The following SPG11 variants were observed in gnomAD, a reference collection of about 807,000 sequenced individuals.
The protein encoded by SPG11 is SPG11 vesicle trafficking associated, spatacsin, also known as spatacsin.
A neutral mutation model predicts 274.0 loss-of-function variants in SPG11; 222 were observed. The ratio of observed to expected loss-of-function variants is 0.81; its 90% CI spans 0.73 to 0.91. SPG11 has a LOEUF of 0.91. SPG11 is among the 40% of genes least tolerant of loss of function. SPG11 has a pLI of 0.00. For synonymous variants in SPG11, 1,144 were observed against 1,039.7 expected (o/e 1.10, Z -1.93); for missense variants, 3,114 against 2,872.7 (o/e 1.08, Z -1.92).
chr15:44,632,821 C>G (rs569888864), intron 8 of SPG11, among the ~76,000 whole-genome samples: 2 of 152,120 alleles, frequency 1.3e-5, no homozygotes, highest in African/African-American at 4.8e-5. Context: ...ATTCTTATAA[C>G]AAATCCTAAT....
intron 8 of SPG11, among the ~76,000 whole-genome samples, chr15:44,632,075 C>T (rs925729912): frequency 1.3e-5 from 2 of 151,862 alleles, no homozygotes; most frequent in Admixed American, 6.6e-5. Context: ...TCCCAAAGTG[C>T]TGGAATTACA....
At chr15:44,620,587 G>A (rs2083716486) in intron 14 of SPG11, 184 bp from the exon 15 acceptor site, 1 of 575,062 alleles carries the variant, frequency 1.7e-6, no homozygotes, top group African/African-American at 1.9e-5. Context: ...TGTTGCCCAG[G>A]CTGGAGTGCA....
In SPG11 at chr15:44,608,482, C is replaced by T. The variant is rs777985678; in HGVS notation, c.3415G>A (p.Val1139Ile). Residue 1139 changes from valine to isoleucine, a missense_variant, in exon 19 of 40, where the codon GTC becomes ATC. By Grantham distance (29) the Val-to-Ile change is conservative (BLOSUM62 3). Coordinates refer to ENST00000261866, the MANE Select transcript of SPG11 (RefSeq NM_025137.4). ...TAGATTGTAATATCAGATGGCAGGA[C>T]ACTAGGAGGAGTGCACTGTGGGAAG... ...ALFPQCTPPS[V>I]LPSDITIYHL... 2 of 1,614,078 alleles carry T rather than the reference C, an allele frequency of 1.2e-6. No homozygotes were observed. Among genetic ancestry groups the T allele is most frequent in the Admixed American group, 1.7e-5 (1 of 60,012 alleles).
chr15:44,638,280 G>A (rs575781681), intron 7 of SPG11, among the ~76,000 whole-genome samples: 1 of 152,212 alleles, frequency 6.6e-6, no homozygotes, highest in South Asian at 2.1e-4. Flanking sequence ...TGCCCAACAT[G>A]GTGAAATGCC....
intron 16 of SPG11, 104 bp downstream of exon 16, chr15:44,615,259 C>G (rs1345245006): frequency 1.8e-6 from 2 of 1,108,332 alleles, no homozygotes; most frequent in East Asian, 2.3e-5. Context: ...ATCAGTATTC[C>G]TCGTGTGAAT....
At chr15:44,608,635 C>T in intron 18 of SPG11, 30 bp from the exon 19 acceptor site, 1 of 1,607,900 alleles carries the variant, frequency 6.2e-7, no homozygotes, top group Non-Finnish European at 8.5e-7. Flanking sequence ...ACAGGTTGGA[C>T]AGTAGCATTT....
At chr15:44,597,078 T>C (rs548580125) in intron 23 of SPG11, 135 bp from the exon 24 acceptor site, 3 of 722,792 alleles carry the variant, frequency 4.2e-6, no homozygotes, top group African/African-American at 1.8e-5. Flanking sequence ...AAATACTAAA[T>C]ATTTATTAGG....
intron 7 of SPG11, among the ~76,000 whole-genome samples, chr15:44,638,397 C>T (rs2141070968): frequency 6.6e-6 from 1 of 151,990 alleles, no homozygotes; most frequent in East Asian, 1.9e-4. Flanking sequence ...GAGGTGGAGG[C>T]TACGGTGAGC....
intron 39 of SPG11, among the ~76,000 whole-genome samples, chr15:44,563,722 T>C (rs1399087063): frequency 6.6e-6 from 1 of 151,934 alleles, no homozygotes; most frequent in Non-Finnish European, 1.5e-5. Flanking sequence ...TGTGAACTCC[T>C]GGGCTCAGCT....
At chr15:44,615,118 CAAGTT>C (rs1203752333) in intron 16 of SPG11, among the ~76,000 whole-genome samples, 1 of 152,082 alleles carries the variant, frequency 6.6e-6, no homozygotes, top group African/African-American at 2.4e-5. Flanking sequence ...ATTCTAAAGT[CAAGTT>C]ATTTAAAAGG....
chr15:44,663,627 G>A lies in SPG11; in HGVS notation c.21C>T (p.Val7=), dbSNP rs377135175. 2.4e-5 allele frequency: 39 copies of A among 1,595,770 alleles called. No homozygotes were observed. In the African/African-American group the frequency reaches 3.3e-4, roughly 14 times the overall value. ...TACCGCCGGCGGAAGCAGCACTCGCGACCCCTTCCTCTGCAGCCATCTTGG... is the reference window on the plus strand; with the variant it reads ...TACCGCCGGCGGAAGCAGCACTCGCAACCCCTTCCTCTGCAGCCATCTTGG... MAAEEG[V]ASAASAGGSW... The change falls in exon 1 of 40, where the codon GTC becomes GTT. Residue 7 remains valine, a synonymous_variant. Coordinates refer to ENST00000261866, the MANE Select transcript of SPG11 (RefSeq NM_025137.4).
chr15:44,599,540 C>T (rs1232635515), intron 21 of SPG11, among the ~76,000 whole-genome samples: 2 of 152,090 alleles, frequency 1.3e-5, no homozygotes, highest in African/African-American at 4.8e-5. Context: ...GGTTGTGATC[C>T]GCCCACCTTG....
At chr15:44,655,080 T>G (rs1337657025) in intron 4 of SPG11, among the ~76,000 whole-genome samples, 1 of 152,214 alleles carries the variant, frequency 6.6e-6, no homozygotes, top group East Asian at 1.9e-4. Flanking sequence ...CATGTGGTAC[T>G]AATAATCTCT....
At chr15:44,613,754 A>G (rs940610207) in intron 16 of SPG11, among the ~76,000 whole-genome samples, 4 of 152,278 alleles carry the variant, frequency 2.6e-5, no homozygotes, top group African/African-American at 9.6e-5. Context: ...TCATATGTTC[A>G]CTACCATGAT....
Position 44,600,511 on chromosome 15 carries a change from A to C in SPG11, c.3642T>G (p.Thr1214=). The change falls in exon 21 of 40, where the codon ACT becomes ACG. Residue 1214 remains threonine, a synonymous_variant. Coordinates refer to ENST00000261866, the MANE Select transcript of SPG11 (RefSeq NM_025137.4). ...TCTTGATTAATTCCTGGACCAGAAA[A>C]GTACCAAATGCAAATGATGGCCGCC... The part of the protein sequence containing the change: ...HNGRPSFAFG[T]FLVQELIKSK... 1.2e-6 allele frequency: 2 copies of C among 1,614,194 alleles called. No individual in the cohort carries two copies. Among genetic ancestry groups the C allele is most frequent in the East Asian group, 4.5e-5 (2 of 44,874 alleles).
rs1393511817 is a variant in SPG11, at chr15:44,562,907, T to C, written c.*214A>G. 2.2e-5 allele frequency: 12 copies of C among 557,056 alleles called. No homozygotes were observed. The highest frequency in any genetic ancestry group is 5.7e-5 in the African/African-American group (3 of 52,974). The allele number at this position is 557,056 out of a possible 1,614,324, so 34.5% of individuals were successfully genotyped here. ...TCTTAATACTAGTATCTATATAAAA[T>C]GGTGTGGATGAACAATCATCTAAAA... On this transcript the variant is annotated 3_prime_UTR_variant, in exon 40 of 40. Transcript: ENST00000261866.
intron 32 of SPG11, 71 bp downstream of exon 32, chr15:44,573,476 A>T: frequency 6.5e-7 from 1 of 1,542,212 alleles, no homozygotes; most frequent in South Asian, 1.1e-5. Flanking sequence ...TAAGCACAAC[A>T]TCCAAATCCT....
intron 35 of SPG11, among the ~76,000 whole-genome samples, chr15:44,568,299 A>G (rs1298311100): frequency 1.3e-5 from 2 of 152,214 alleles, no homozygotes; most frequent in Non-Finnish European, 2.9e-5. Context: ...ACTGCCTCAA[A>G]AACAGTTTTA....
chr15:44,659,034 T>C (rs776185613), intron 3 of SPG11, 45 bp downstream of exon 3: 1 of 1,579,106 alleles, frequency 6.3e-7, no homozygotes, highest in Non-Finnish European at 8.7e-7. Context: ...TTATAGGTGT[T>C]CTTCTCCTCT....
Sources: gnomAD v4.1 joint callset for allele counts (sites outside exome capture counted in the v4.1 genomes callset) on GRCh38, gnomAD v4.1.1 for gene constraint, MANE v1.5 for transcripts, NCBI Gene and HGNC (gene_info 2026-07-23, HGNC 2026-07-21) for gene names.